Variants in LGR6 observed in about 807,000 individuals in gnomAD.
LGR6 encodes leucine rich repeat containing G protein-coupled receptor 6, also known as leucine-rich repeat-containing G protein-coupled receptor 6.
LGR6 carries 45 observed loss-of-function variants against 69.4 expected under a neutral mutation model. The ratio of observed to expected loss-of-function variants is 0.65; its 90% CI spans 0.51 to 0.83. The LOEUF is 0.83. LGR6 is among the 40% of genes least tolerant of loss of function. The pLI is 0.00. For synonymous variants in LGR6, 538 were observed against 555.0 expected, an observed-to-expected ratio of 0.97 and a Z score of 0.43; for missense variants, 1,108 against 1,246.7, an observed-to-expected ratio of 0.89 and a Z score of 1.68.
At chr1:202,196,528 T>C (rs3010093) in intron 1 of LGR6, among the ~76,000 whole-genome samples, 105,957 of 152,140 alleles carry the variant, frequency 0.7, 39,833 homozygotes, top group South Asian at 0.93. Flanking sequence ...CCACTCAAAC[T>C]TTGGTTCCTT....
In LGR6 at chr1:202,194,167, G is replaced by A. The variant is rs1195600842; in HGVS notation, c.178G>A (p.Val60Ile). ...CTGCTCTGAGCTCGGGCTGTCCGCC[G>A]TTCCGGGGGACCTGGACCCCCTGAC... ...ADCSELGLSA[V>I]PGDLDPLTAY... The change falls in exon 1 of 18, where the codon GTT (valine) becomes ATT (isoleucine). Residue 60 changes from valine to isoleucine, a missense_variant. Physicochemically the swap from Val to Ile is conservative, Grantham distance 29. Transcript: ENST00000367278. 1.9e-6 allele frequency: 3 copies of A among 1,569,648 alleles called. No homozygotes were observed. Among genetic ancestry groups the A allele is most frequent in the East Asian group, 2.4e-5 (1 of 41,186 alleles).
intron 4 of LGR6, among the ~76,000 whole-genome samples, chr1:202,257,899 G>A (rs1663907843): frequency 6.6e-6 from 1 of 152,078 alleles, no homozygotes; most frequent in Admixed American, 6.6e-5. Context: ...AGATCAATTT[G>A]TTGAGTATTG....
intron 4 of LGR6, among the ~76,000 whole-genome samples, chr1:202,254,057 G>A (rs1017132670): frequency 7.3e-5 from 11 of 151,454 alleles, no homozygotes; most frequent in East Asian, 5.9e-4. Context: ...CGCCCGCCTC[G>A]GCCTCCCAAA....
chr1:202,197,227 G>A, intron 1 of LGR6: 2 of 437,012 alleles, frequency 4.6e-6, no homozygotes, highest in Non-Finnish European at 9.3e-6. Flanking sequence ...TACCTTTCAT[G>A]AGGTAGGTGC....
chr1:202,204,907 AACAC>A (rs1233744768), intron 1 of LGR6, among the ~76,000 whole-genome samples: 2 of 3,182 alleles, frequency 6.3e-4, no homozygotes, highest in African/African-American at 1.3e-3. Context: ...CACACCTCCA[AACAC>A]ACACACACAC....
intron 1 of LGR6, chr1:202,214,308 C>T (rs1558009420): frequency 2.1e-5 from 30 of 1,404,556 alleles, no homozygotes; most frequent in Admixed American, 3.4e-5. Flanking sequence ...GGAGCAGGAC[C>T]CAGAAACCGA....
chr1:202,280,797 C>T lies in LGR6; in HGVS notation c.661C>T (p.Arg221Cys), dbSNP rs754157620. 1.1e-5 allele frequency: 17 copies of T among 1,614,094 alleles called. No homozygotes were observed. Among genetic ancestry groups the T allele is most frequent in the East Asian group, 2.2e-5 (1 of 44,888 alleles). Residue 221 changes from arginine (R) to cysteine (C), a missense_variant, in exon 6 of 18, where the codon CGC becomes TGC. Coordinates refer to ENST00000367278, the MANE Select transcript of LGR6 (RefSeq NM_001017403.2). ...CCCGTGCAGGCATTTGCATAACAAC[C>T]GCATCCAGCATCTGGGGACCCACAG... ...SLVVLHLHNN[R>C]IQHLGTHSFE...
At chr1:202,246,079 A>G (rs1395025593) in intron 4 of LGR6, among the ~76,000 whole-genome samples, 1 of 102,692 alleles carries the variant, frequency 9.7e-6, no homozygotes, top group African/African-American at 3.9e-5. Flanking sequence ...TCATCTATCC[A>G]TTCATCCATC....
chr1:202,318,581 C>T lies in LGR6; in HGVS notation c.2278C>T (p.Arg760Trp), dbSNP rs754427956. The change falls in exon 18 of 18, where the codon CGG becomes TGG. Residue 760 changes from arginine (R) to tryptophan (W), a missense_variant. Transcript: ENST00000367278. ...AYIKLYCDLP[R>W]GDFEAVWDCA... ...CATCAAACTGTACTGTGACCTGCCG[C>T]GGGGCGACTTTGAGGCCGTGTGGGA... 3.1e-6 allele frequency: 5 copies of T among 1,613,868 alleles called. No homozygotes were observed. The highest frequency in any genetic ancestry group is 1.7e-6 in the Non-Finnish European group (2 of 1,180,002).
At chr1:202,206,777 C>T (rs1455345267) in intron 1 of LGR6, among the ~76,000 whole-genome samples, 2 of 151,930 alleles carry the variant, frequency 1.3e-5, no homozygotes, top group Non-Finnish European at 2.9e-5. Context: ...ACTATATTGC[C>T]CAGGCTGGTC....
chr1:202,290,261 T>C (rs1458561218), intron 6 of LGR6, among the ~76,000 whole-genome samples: 2 of 152,220 alleles, frequency 1.3e-5, no homozygotes, highest in African/African-American at 4.8e-5. Context: ...ATCCTGTTGG[T>C]GCACAGAAGG....
In LGR6 at chr1:202,307,367, G is replaced by A. The variant is rs780085944; in HGVS notation, c.1246G>A (p.Glu416Lys). 6.2e-6 allele frequency: 10 copies of A among 1,613,926 alleles called. No individual in the cohort carries two copies. Among genetic ancestry groups the A allele is most frequent in the Middle Eastern group, 1.6e-4 (1 of 6,084 alleles). The stretch of plus-strand genomic sequence containing the variant: ...GAACGCCATCCGGTCCATCCACCCC[G>A]AGGCCTTCTCCACCCTGCACTCCCT... ...SWNAIRSIHP[E>K]AFSTLHSLVK... The change falls in exon 14 of 18, where the codon GAG (glutamate) becomes AAG (lysine). Residue 416 changes from glutamate to lysine, a missense_variant. Transcript: ENST00000367278.
intron 4 of LGR6, among the ~76,000 whole-genome samples, chr1:202,254,806 A>G (rs753030952): frequency 1.3e-5 from 2 of 151,690 alleles, no homozygotes; most frequent in African/African-American, 2.4e-5. Context: ...CATGCCTGTG[A>G]TAGTATTTTG....
chr1:202,258,980 A>G (rs1664009954), intron 4 of LGR6, among the ~76,000 whole-genome samples: 1 of 151,944 alleles, frequency 6.6e-6, no homozygotes, highest in South Asian at 2.1e-4. Context: ...CTGTGTCAAT[A>G]TTTTACATTT....
At chr1:202,213,390 T>A (rs1659550415) in intron 1 of LGR6, among the ~76,000 whole-genome samples, 1 of 152,020 alleles carries the variant, frequency 6.6e-6, no homozygotes, top group Non-Finnish European at 1.5e-5. Flanking sequence ...TGCCTTTCCT[T>A]GGAGAAGGCA....
At chr1:202,230,743 G>A (rs1451130142) in intron 3 of LGR6, among the ~76,000 whole-genome samples, 1 of 152,240 alleles carries the variant, frequency 6.6e-6, no homozygotes, top group Non-Finnish European at 1.5e-5. Flanking sequence ...CTCCCAGAGA[G>A]CTGGGTGAGG....
chr1:202,288,636 G>C (rs907256799), intron 6 of LGR6, among the ~76,000 whole-genome samples: 1 of 152,008 alleles, frequency 6.6e-6, no homozygotes, highest in African/African-American at 2.4e-5. Context: ...TCTCCTCTGC[G>C]CCCTAGATGT....
intron 3 of LGR6, among the ~76,000 whole-genome samples, chr1:202,232,990 A>G (rs1477241205): frequency 6.6e-6 from 1 of 152,204 alleles, no homozygotes; most frequent in Non-Finnish European, 1.5e-5. Flanking sequence ...CAGGGACATC[A>G]AGGGAAATGG....
chr1:202,235,328 T>G (rs1336514162), intron 3 of LGR6, among the ~76,000 whole-genome samples: 3 of 152,192 alleles, frequency 2.0e-5, no homozygotes, highest in Non-Finnish European at 4.4e-5. Context: ...ATCGTTTTCA[T>G]TGGCTGGCAC....
Sources: allele counts gnomAD v4.1 joint callset (sites outside exome capture counted in the v4.1 genomes callset), GRCh38; gene constraint gnomAD v4.1.1; transcripts MANE v1.5; gene names NCBI Gene and HGNC (gene_info 2026-07-23, HGNC 2026-07-21).